The following PRP4K variants were observed in gnomAD, a reference collection of about 807,000 sequenced individuals.
PRP4K encodes the protein pre-mRNA processing factor kinase PRP4K, also known as serine/threonine-protein kinase PRP4 homolog.
chr6:4,021,451 T>C, the PRP4K span: 2 of 1,585,104 alleles, frequency 1.3e-6, no homozygotes, highest in Non-Finnish European at 8.6e-7. Flanking sequence ...ACCCAGTCGC[T>C]ACGGGAGCAG....
At chr6:4,043,835 A>T in the PRP4K span, 3 of 1,614,182 alleles carry the variant, frequency 1.9e-6, no homozygotes, top group Non-Finnish European at 2.5e-6. Flanking sequence ...CTTGCTGAAG[A>T]TAGCAACATG....
At chr6:4,031,587 A>G in the PRP4K span, 1 of 1,576,272 alleles carries the variant, frequency 6.3e-7, no homozygotes, top group South Asian at 1.2e-5. Context: ...TGAAAAGAGT[A>G]TAAATGAAGA....
At chr6:4,027,603 G>GA in the PRP4K span, among the ~76,000 whole-genome samples, 1 of 114,164 alleles carries the variant, frequency 8.8e-6, no homozygotes, top group African/African-American at 3.8e-5. Context: ...GGAGGGGTGG[G>GA]GGGGTGGGGT....
the PRP4K span, chr6:4,049,611 T>C: frequency 1.0e-6 from 1 of 980,606 alleles, no homozygotes; most frequent in South Asian, 1.7e-5. Context: ...GATTCTTCAT[T>C]GTGTCTAGGA....
At chr6:4,032,161 G>A in the PRP4K span, 2 of 1,613,768 alleles carry the variant, frequency 1.2e-6, no homozygotes, top group Non-Finnish European at 1.7e-6. Flanking sequence ...ACAACTAGGA[G>A]CAAGTCAAAG....
At chr6:4,027,228 T>G in the PRP4K span, among the ~76,000 whole-genome samples, 1 of 152,212 alleles carries the variant, frequency 6.6e-6, no homozygotes, top group South Asian at 2.1e-4. Context: ...TGTGTGACCT[T>G]AGGCAAGTCC....
At chr6:4,061,461 G>A in the PRP4K span, 3 of 152,586 alleles carry the variant, frequency 2.0e-5, no homozygotes, top group Admixed American at 1.3e-4. Flanking sequence ...ACATAGAAAC[G>A]ATGCGTAGTT....
At chr6:4,022,441 C>T in the PRP4K span, among the ~76,000 whole-genome samples, 6 of 147,518 alleles carry the variant, frequency 4.1e-5, no homozygotes, top group African/African-American at 1.3e-4. Context: ...CGGCAATGTT[C>T]CTATAGCGAC....
chr6:4,034,776 G>A, the PRP4K span, among the ~76,000 whole-genome samples: 1 of 151,766 alleles, frequency 6.6e-6, no homozygotes, highest in Non-Finnish European at 1.5e-5. Flanking sequence ...GCAGTGGCGT[G>A]GTCTCGGCTC....
At chr6:4,056,173 TTAAAAA>T in the PRP4K span, 1 of 603,502 alleles carries the variant, frequency 1.7e-6, no homozygotes, top group South Asian at 2.2e-5. Flanking sequence ...GGAAATTGAA[TTAAAAA>T]TAAATAGAAA....
the PRP4K span, chr6:4,032,096 A>G: frequency 6.2e-7 from 1 of 1,613,372 alleles, no homozygotes; most frequent in Non-Finnish European, 8.5e-7. Flanking sequence ...AACGGACTAG[A>G]CATAGGTCTG....
At chr6:4,036,120 C>T in the PRP4K span, among the ~76,000 whole-genome samples, 1 of 152,098 alleles carries the variant, frequency 6.6e-6, no homozygotes, top group African/African-American at 2.4e-5. Flanking sequence ...AAAAATTAAG[C>T]TGTAGAAAGG....
the PRP4K span, chr6:4,050,482 G>A: frequency 1.9e-5 from 5 of 256,456 alleles, no homozygotes; most frequent in Non-Finnish European, 3.7e-5. Context: ...GTCTTATGCC[G>A]TCCTTTGCTT....
At chr6:4,057,097 A>G in the PRP4K span, 1 of 1,611,452 alleles carries the variant, frequency 6.2e-7, no homozygotes, top group Non-Finnish European at 8.5e-7. Flanking sequence ...CCTTATACGA[A>G]CTCTATACTG....
chr6:4,056,586 G>A, the PRP4K span: 20 of 1,593,628 alleles, frequency 1.3e-5, no homozygotes, highest in Admixed American at 1.7e-5. Context: ...TCCTCAGGTG[G>A]AATGAAGGTA....
the PRP4K span, among the ~76,000 whole-genome samples, chr6:4,022,803 A>G: frequency 6.6e-6 from 1 of 152,210 alleles, no homozygotes; most frequent in South Asian, 2.1e-4. Context: ...GCACAATTAC[A>G]GTGTTTATGC....
chr6:4,048,470 T>TA, the PRP4K span, among the ~76,000 whole-genome samples: 17 of 152,286 alleles, frequency 1.1e-4, no homozygotes, highest in Non-Finnish European at 1.8e-4. Flanking sequence ...GCCAGTGACT[T>TA]ACTACATTTC....
chr6:4,056,616 T>G, the PRP4K span: 4 of 1,584,944 alleles, frequency 2.5e-6, no homozygotes, highest in East Asian at 9.1e-5. Context: ...GGAGTCTTGA[T>G]CATGTCGGGC....
At chr6:4,056,695 T>G in the PRP4K span, 2 of 1,541,712 alleles carry the variant, frequency 1.3e-6, no homozygotes, top group Non-Finnish European at 1.7e-6. Context: ...CAAGGTCTGA[T>G]TATCACATTT....
Sources: allele counts gnomAD v4.1 joint callset (sites outside exome capture counted in the v4.1 genomes callset), GRCh38; gene constraint gnomAD v4.1.1; transcripts MANE v1.5; gene names NCBI Gene and HGNC (gene_info 2026-07-23, HGNC 2026-07-21).